BCAS1: variants seen among roughly 807,000 people sequenced by gnomAD.
The protein encoded by BCAS1 is brain enriched myelin associated protein 1, also known as breast carcinoma-amplified sequence 1.
Under a neutral mutation model 65.4 loss-of-function variants are expected in BCAS1, and 46 were observed. The observed-to-expected ratio is 0.70, with a 90% CI of 0.55 to 0.90. The LOEUF is 0.90. Among genes scored for constraint, BCAS1 ranks in the 40% least tolerant of loss-of-function variants. The probability of loss-of-function intolerance (pLI) is 0.00; values close to 1 mark genes in which losing one functional copy is unlikely to be tolerated. For synonymous variants in BCAS1, 298 were observed against 293.5 expected (o/e 1.02, Z -0.16); for missense variants, 793 against 771.2 (o/e 1.03, Z -0.33).
intron 10 of BCAS1, among the ~76,000 whole-genome samples, chr20:53,962,226 A>G (rs1475679169): frequency 6.6e-6 from 1 of 152,232 alleles, no homozygotes; most frequent in Non-Finnish European, 1.5e-5. Context: ...CACCTCCAAT[A>G]GTACATTTCA....
intron 9 of BCAS1, among the ~76,000 whole-genome samples, chr20:53,974,121 C>T (rs1025915524): frequency 1.3e-5 from 2 of 152,124 alleles, no homozygotes; most frequent in African/African-American, 4.8e-5. Context: ...CCAATCAGCA[C>T]TCTGTAAAAT....
intron 9 of BCAS1, among the ~76,000 whole-genome samples, chr20:53,967,640 A>C (rs1315267269): frequency 6.6e-6 from 1 of 152,246 alleles, no homozygotes; most frequent in Non-Finnish European, 1.5e-5. Flanking sequence ...CACTTAATTG[A>C]AGTTTATGCT....
intron 7 of BCAS1, among the ~76,000 whole-genome samples, chr20:53,986,802 A>G (rs1399052586): frequency 6.6e-6 from 1 of 152,192 alleles, no homozygotes; most frequent in Non-Finnish European, 1.5e-5. Flanking sequence ...AGGCTGAGGC[A>G]GGAGGATTGC....
intron 12 of BCAS1, among the ~76,000 whole-genome samples, chr20:53,948,649 C>T (rs1052219459): frequency 6.6e-6 from 1 of 152,214 alleles, no homozygotes; most frequent in Non-Finnish European, 1.5e-5. Flanking sequence ...CCCTTTCCTG[C>T]CTTATATACC....
intron 4 of BCAS1, among the ~76,000 whole-genome samples, chr20:54,027,376 G>A (rs894677533): frequency 1.3e-5 from 2 of 152,182 alleles, no homozygotes; most frequent in Non-Finnish European, 2.9e-5. Flanking sequence ...TACGTACAGT[G>A]CTCAGAGTAG....
chr20:54,058,852 T>C, intron 1 of BCAS1, 129 bp from the exon 2 acceptor site: 1 of 1,000,880 alleles, frequency 1.0e-6, no homozygotes, highest in Non-Finnish European at 1.5e-6. Flanking sequence ...TCAGAACAAA[T>C]TGCTTGTATT....
chr20:54,056,026 CAGGGGCTA>C (rs1047263448), intron 3 of BCAS1, among the ~76,000 whole-genome samples: 26 of 152,226 alleles, frequency 1.7e-4, no homozygotes, highest in African/African-American at 6.0e-4. Context: ...TGGTGATTAT[CAGGGGCTA>C]AGGTCCAGGG....
At chr20:53,979,561 G>A (rs1175765974) in intron 8 of BCAS1, among the ~76,000 whole-genome samples, 1 of 152,194 alleles carries the variant, frequency 6.6e-6, no homozygotes, top group Non-Finnish European at 1.5e-5. Context: ...ACTCTCGTGG[G>A]CTTGGGAGTC....
chr20:54,059,023 G>A (rs1377649698), intron 1 of BCAS1, among the ~76,000 whole-genome samples: 2 of 152,176 alleles, frequency 1.3e-5, no homozygotes, highest in Non-Finnish European at 2.9e-5. Flanking sequence ...GAATGAGTGC[G>A]AGCTGGGGAA....
intron 7 of BCAS1, among the ~76,000 whole-genome samples, chr20:53,991,298 T>G (rs2090753721): frequency 6.6e-6 from 1 of 152,240 alleles, no homozygotes; most frequent in African/African-American, 2.4e-5. Flanking sequence ...GCAATATTTA[T>G]CATTCCCCAT....
Position 54,028,980 on chromosome 20 carries a change from C to A in BCAS1, c.143-8G>T. On this transcript the variant is annotated splice_polypyrimidine_tract_variant and splice_region_variant and intron_variant, in intron 3 of 12. Transcript: ENST00000688948. Reference sequence around the variant, plus strand: ...CACTTATTCCCAAGTCGACTGTAAACACAAACATAAACAGTGGTTATTCAG... The same window carrying A: ...CACTTATTCCCAAGTCGACTGTAAAAACAAACATAAACAGTGGTTATTCAG... The A allele has an allele frequency of 6.2e-7, 1 of 1,600,218 alleles. No homozygotes were observed.
chr20:54,058,221 A>C (rs1402224670), intron 2 of BCAS1, 67 bp from the exon 3 acceptor site: 1 of 1,388,026 alleles, frequency 7.2e-7, no homozygotes, highest in African/African-American at 1.4e-5. Flanking sequence ...TCAAGGAAGA[A>C]CCTCTAAGAT....
intron 4 of BCAS1, among the ~76,000 whole-genome samples, chr20:54,024,553 C>T (rs978503662): frequency 6.6e-6 from 1 of 152,148 alleles, no homozygotes; most frequent in Non-Finnish European, 1.5e-5. Context: ...AACTTGTCAA[C>T]CCATAGCAGT....
intron 4 of BCAS1, among the ~76,000 whole-genome samples, chr20:54,020,793 C>G (rs560317185): frequency 6.6e-6 from 1 of 152,188 alleles, no homozygotes; most frequent in Non-Finnish European, 1.5e-5. Context: ...GGGTCAAAAC[C>G]AGCAGTAAAC....
intron 4 of BCAS1, among the ~76,000 whole-genome samples, chr20:54,019,525 T>C (rs1398287820): frequency 6.6e-6 from 1 of 152,208 alleles, no homozygotes; most frequent in Non-Finnish European, 1.5e-5. Context: ...CTTGATTGGA[T>C]TGAAGGATGC....
chr20:54,041,607 G>C (rs1449077557), intron 3 of BCAS1, among the ~76,000 whole-genome samples: 1 of 152,142 alleles, frequency 6.6e-6, no homozygotes, highest in Admixed American at 6.5e-5. Flanking sequence ...CTGTGGCTGG[G>C]TACGGTGGCT....
At chr20:53,983,343 CATT>C (rs766222170) in intron 8 of BCAS1, among the ~76,000 whole-genome samples, 2 of 152,216 alleles carry the variant, frequency 1.3e-5, no homozygotes, top group Non-Finnish European at 2.9e-5. Flanking sequence ...GTTTTACCAT[CATT>C]ATTTCACTTA....
At position 54,028,510 on chromosome 20, in the gene BCAS1, T is replaced by G. The variant is rs771415568; in HGVS notation, c.605A>C (p.Lys202Thr). The G allele has an allele frequency of 6.2e-7, 1 of 1,614,076 alleles. No individual in the cohort carries two copies. The highest frequency in any genetic ancestry group is 8.5e-7 in the Non-Finnish European group (1 of 1,180,030). ...SFFDKFFKLD[K>T]GQEKVPGDSQ... Reference sequence around the variant, plus strand: ...GTCACCTGGCACCTTTTCCTGTCCCTTGTCCAGCTTGAAGAATTTGTCAAA... The same window carrying G: ...GTCACCTGGCACCTTTTCCTGTCCCGTGTCCAGCTTGAAGAATTTGTCAAA... The change falls in exon 4 of 13, where the codon AAG (lysine) becomes ACG (threonine). Residue 202 changes from lysine to threonine, a missense_variant. By Grantham distance (78) the Lys-to-Thr change is moderately conservative (BLOSUM62 -1). Coordinates refer to ENST00000688948, the MANE Select transcript of BCAS1 (RefSeq NM_001366298.2).
At chr20:53,990,750 G>C (rs1328474593) in intron 7 of BCAS1, among the ~76,000 whole-genome samples, 2 of 152,182 alleles carry the variant, frequency 1.3e-5, no homozygotes, top group Admixed American at 6.5e-5. Flanking sequence ...AAAAGCCAAT[G>C]AGCTCTAACA....
Sources: gnomAD v4.1 joint callset for allele counts (sites outside exome capture counted in the v4.1 genomes callset) on GRCh38, gnomAD v4.1.1 for gene constraint, MANE v1.5 for transcripts, NCBI Gene and HGNC (gene_info 2026-07-23, HGNC 2026-07-21) for gene names.